Variants in STK32B observed in about 807,000 individuals in gnomAD.
The protein encoded by STK32B is serine/threonine kinase 32B.
A neutral mutation model predicts 52.6 loss-of-function variants in STK32B; 43 were observed. That is an observed-to-expected ratio of 0.82 (90% confidence interval 0.64 to 1.05). The LOEUF (loss-of-function observed/expected upper bound fraction) is 1.05, where lower values mean the gene tolerates loss of function less well. Among genes scored for constraint, STK32B ranks in the 50% least tolerant of loss-of-function variants. STK32B has a pLI of 0.00. For missense variants in STK32B, 621 were observed against 534.6 expected, an observed-to-expected ratio of 1.16 and a Z score of -1.59; for synonymous variants, 238 against 204.3, an observed-to-expected ratio of 1.17 and a Z score of -1.41.
At chr4:5,226,893 G>A (rs1723914431) in intron 3 of STK32B, among the ~76,000 whole-genome samples, 1 of 152,114 alleles carries the variant, frequency 6.6e-6, no homozygotes. Flanking sequence ...GATAAGGTGG[G>A]ACTACTGTAA....
intron 1 of STK32B, among the ~76,000 whole-genome samples, chr4:5,054,583 C>G (rs1741926202): frequency 6.6e-6 from 1 of 152,124 alleles, no homozygotes; most frequent in Admixed American, 6.5e-5. Flanking sequence ...AAGATGAACC[C>G]TGAATGCCTG....
intron 3 of STK32B, among the ~76,000 whole-genome samples, chr4:5,289,298 G>A (rs75358865): frequency 0.084 from 12,838 of 152,202 alleles, 580 homozygotes; most frequent in South Asian, 0.16. Context: ...GTTACTTACC[G>A]TGAATGGAGT....
Position 5,139,718 on chromosome 4 carries a change from C to T in STK32B, c.53-187C>T, listed in dbSNP as rs986231363. On this transcript the variant is annotated intron_variant, in intron 1 of 11. Coordinates refer to ENST00000282908, the MANE Select transcript of STK32B (RefSeq NM_018401.3). ...AGGCTTCAGATGGACAATTTGTGTGCTGGGGAAAAAATGGAATGTGCTGCA... is the reference window on the plus strand; with the variant it reads ...AGGCTTCAGATGGACAATTTGTGTGTTGGGGAAAAAATGGAATGTGCTGCA... 29 of 604,406 alleles carry T rather than the reference C, an allele frequency of 4.8e-5. No homozygotes were observed. In the East Asian group the frequency reaches 7.8e-4, roughly 16 times the overall value. 37.4% of individuals were successfully genotyped at this position (604,406 alleles called of 1,614,324 possible). A position where few individuals can be genotyped will look rare whatever the true frequency, so the allele number is the denominator to read the frequency against.
chr4:5,025,160 C>A, the STK32B span, among the ~76,000 whole-genome samples: 2 of 152,154 alleles, frequency 1.3e-5, no homozygotes, highest in Non-Finnish European at 2.9e-5. Context: ...GGACCCAGCA[C>A]TTTTCTACTC....
intron 3 of STK32B, among the ~76,000 whole-genome samples, chr4:5,248,497 A>G (rs996344404): frequency 2.0e-5 from 3 of 152,184 alleles, no homozygotes; most frequent in African/African-American, 7.2e-5. Context: ...GCAAAACTGT[A>G]CTGGTCAATT....
chr4:5,468,134 C>T, intron 11 of STK32B, 64 bp downstream of exon 11: 1 of 1,537,674 alleles, frequency 6.5e-7, no homozygotes. Flanking sequence ...GTCCTCCTGG[C>T]AGAATCACAG....
intron 5 of STK32B, among the ~76,000 whole-genome samples, chr4:5,409,521 C>T (rs1737883728): frequency 6.6e-6 from 1 of 152,178 alleles, no homozygotes; most frequent in South Asian, 2.1e-4. Context: ...CATTAAGAAT[C>T]ATGGACATAG....
chr4:5,054,552 G>A (rs1025583726), intron 1 of STK32B, among the ~76,000 whole-genome samples: 3 of 152,152 alleles, frequency 2.0e-5, no homozygotes, highest in Non-Finnish European at 2.9e-5. Context: ...GCATTGTGGA[G>A]TATGAAGCTG....
At chr4:5,284,629 A>T (rs1014466614) in intron 3 of STK32B, among the ~76,000 whole-genome samples, 7 of 152,250 alleles carry the variant, frequency 4.6e-5, no homozygotes, top group Admixed American at 6.5e-5. Flanking sequence ...GTGTGAAATT[A>T]TAACTGCATA....
At chr4:5,167,814 C>A (rs1452153779) in intron 2 of STK32B, among the ~76,000 whole-genome samples, 1 of 152,110 alleles carries the variant, frequency 6.6e-6, no homozygotes, top group African/African-American at 2.4e-5. Context: ...GCCCTACTGG[C>A]AAAAGAGAGT....
chr4:5,167,414 C>A (rs1328174832), intron 2 of STK32B, among the ~76,000 whole-genome samples: 4 of 152,076 alleles, frequency 2.6e-5, no homozygotes, highest in African/African-American at 9.7e-5. Context: ...GTAAAGTGCT[C>A]AATACAGGAC....
At chr4:5,143,101 C>CTCTGTCTCTGTCTG (rs1553835238) in intron 2 of STK32B, among the ~76,000 whole-genome samples, 12 of 135,692 alleles carry the variant, frequency 8.8e-5, no homozygotes, top group South Asian at 2.6e-4. Context: ...CTGTCTCTGT[C>CTCTGTCTCTGTCTG]TCTGTCTGTC....
chr4:5,257,239 G>A (rs1354053682), intron 3 of STK32B, among the ~76,000 whole-genome samples: 2 of 121,458 alleles, frequency 1.6e-5, no homozygotes, highest in African/African-American at 5.9e-5. Context: ...GAATGAATGA[G>A]TGAATGATTG....
At chr4:5,253,793 T>C (rs570751083) in intron 3 of STK32B, among the ~76,000 whole-genome samples, 1 of 152,294 alleles carries the variant, frequency 6.6e-6, no homozygotes, top group Admixed American at 6.5e-5. Flanking sequence ...TTTTATATGT[T>C]TTTGTCACAA....
At chr4:5,201,672 C>T (rs1481204525) in intron 3 of STK32B, among the ~76,000 whole-genome samples, 1 of 152,136 alleles carries the variant, frequency 6.6e-6, no homozygotes, top group Non-Finnish European at 1.5e-5. Context: ...GGGGAGGCAT[C>T]AGGAAACTTA....
At chr4:5,174,844 G>T (rs1445962080) in intron 3 of STK32B, among the ~76,000 whole-genome samples, 1 of 152,082 alleles carries the variant, frequency 6.6e-6, no homozygotes, top group East Asian at 1.9e-4. Context: ...TTTGAATGTT[G>T]GCCTGCCTTG....
At chr4:5,353,662 G>A (rs1454931745) in intron 4 of STK32B, among the ~76,000 whole-genome samples, 1 of 151,920 alleles carries the variant, frequency 6.6e-6, no homozygotes, top group African/African-American at 2.4e-5. Context: ...TAATCATCAG[G>A]GAAATGAAAA....
intron 4 of STK32B, among the ~76,000 whole-genome samples, chr4:5,361,411 A>G (rs1226057809): frequency 1.3e-5 from 2 of 152,246 alleles, no homozygotes; most frequent in East Asian, 3.9e-4. Context: ...TTATGGTGTC[A>G]TCCAGGCTGG....
chr4:5,144,052 T>G (rs967335632), intron 2 of STK32B, among the ~76,000 whole-genome samples: 2 of 152,156 alleles, frequency 1.3e-5, no homozygotes, highest in African/African-American at 4.8e-5. Flanking sequence ...AGTCAGTGTT[T>G]ATAAGGAGTA....
Sources: gnomAD v4.1 joint callset for allele counts (sites outside exome capture counted in the v4.1 genomes callset) on GRCh38, gnomAD v4.1.1 for gene constraint, MANE v1.5 for transcripts, NCBI Gene and HGNC (gene_info 2026-07-23, HGNC 2026-07-21) for gene names.